EYA3: variants seen among roughly 807,000 people sequenced by gnomAD.
EYA3 encodes the protein protein phosphatase EYA3.
Under a neutral mutation model 80.0 loss-of-function variants are expected in EYA3, and 39 were observed. The ratio of observed to expected loss-of-function variants is 0.49; its 90% CI spans 0.38 to 0.64. The LOEUF is 0.64. Among genes scored for constraint, EYA3 ranks in the 30% least tolerant of loss-of-function variants. EYA3 has a pLI of 0.00. For missense variants in EYA3, 523 were observed against 676.1 expected, an observed-to-expected ratio of 0.77 and a Z score of 2.51; for synonymous variants, 206 against 232.8, an observed-to-expected ratio of 0.88 and a Z score of 1.05.
intron 7 of EYA3, among the ~76,000 whole-genome samples, chr1:28,018,310 T>C (rs1264830660): frequency 1.3e-5 from 2 of 152,212 alleles, no homozygotes; most frequent in East Asian, 1.9e-4. Flanking sequence ...TCTTCTGTCA[T>C]AGGTTCATTC....
At chr1:28,015,727 C>T (rs932600627) in intron 8 of EYA3, among the ~76,000 whole-genome samples, 4 of 151,788 alleles carry the variant, frequency 2.6e-5, no homozygotes, top group Non-Finnish European at 4.4e-5. Flanking sequence ...ACATTGGAGA[C>T]GATAGCAAAA....
chr1:27,974,322 GGA>G lies in EYA3; in HGVS notation c.*142_*143del, dbSNP rs1373357424. The G allele has an allele frequency of 1.4e-5, 7 of 501,756 alleles. No individual in the cohort carries two copies. Among genetic ancestry groups the G allele is most frequent in the East Asian group, 3.2e-5 (1 of 31,146 alleles). 31.1% of individuals were successfully genotyped at this position (501,756 alleles called of 1,614,324 possible). ...GAGAGGAAGGGAGGGAGGGAGAGAGGGAGAGAGAGAAAGAGAGAAAGAGAGAG... is the reference window on the plus strand; with the variant it reads ...GAGAGGAAGGGAGGGAGGGAGAGAGGGAGAGAGAAAGAGAGAAAGAGAGAG... On this transcript the variant is annotated 3_prime_UTR_variant, in exon 18 of 18. Coordinates refer to ENST00000373871, the MANE Select transcript of EYA3 (RefSeq NM_001990.4).
chr1:28,065,275 T>G (rs1557636855), intron 1 of EYA3, among the ~76,000 whole-genome samples: 1 of 152,108 alleles, frequency 6.6e-6, no homozygotes, highest in Non-Finnish European at 1.5e-5. Flanking sequence ...TACCATAGAT[T>G]TTTTTTCTTT....
chr1:27,990,609 A>T (rs531719506), intron 14 of EYA3: 2 of 140,260 alleles, frequency 1.4e-5, no homozygotes, highest in Admixed American at 1.5e-4. Flanking sequence ...GCTGTAGTGT[A>T]GTGGTGCAAT....
chr1:28,071,756 T>A (rs1377022447), intron 1 of EYA3, among the ~76,000 whole-genome samples: 1 of 152,184 alleles, frequency 6.6e-6, no homozygotes, highest in East Asian at 1.9e-4. Flanking sequence ...GAAATCATAA[T>A]TACTTTTGGC....
chr1:28,080,865 C>T (rs1414540466), intron 1 of EYA3, among the ~76,000 whole-genome samples: 5 of 152,098 alleles, frequency 3.3e-5, no homozygotes, highest in Non-Finnish European at 7.4e-5. Context: ...ATTCTCCTGC[C>T]TCAGCCTCCC....
chr1:28,003,264 C>A (rs555681661), intron 11 of EYA3, among the ~76,000 whole-genome samples: 1 of 136,342 alleles, frequency 7.3e-6, no homozygotes, highest in African/African-American at 2.8e-5. Context: ...AGCGAGACTC[C>A]GTCTCAAACA....
At chr1:27,989,223 G>A (rs1639868359) in intron 15 of EYA3, among the ~76,000 whole-genome samples, 1 of 152,194 alleles carries the variant, frequency 6.6e-6, no homozygotes, top group African/African-American at 2.4e-5. Flanking sequence ...ATAGGGTATT[G>A]GTGCAGACAC....
chr1:28,038,267 T>A (rs936881433), intron 5 of EYA3, among the ~76,000 whole-genome samples: 1 of 151,796 alleles, frequency 6.6e-6, no homozygotes, highest in Non-Finnish European at 1.5e-5. Context: ...TGAAATCCCA[T>A]CTCTACTAAA....
At chr1:28,006,021 C>T (rs149958007) in intron 10 of EYA3, among the ~76,000 whole-genome samples, 6,051 of 151,906 alleles carry the variant, frequency 0.04, 139 homozygotes, top group Middle Eastern at 0.055. Flanking sequence ...AGGAGAATCA[C>T]TTGAACCCAG....
intron 17 of EYA3, chr1:27,977,218 C>A: frequency 6.6e-7 from 1 of 1,512,804 alleles, no homozygotes; most frequent in South Asian, 1.3e-5. Flanking sequence ...AATAAGGATC[C>A]CTGAATTGCT....
chr1:28,073,119 A>ATTTT, intron 1 of EYA3, among the ~76,000 whole-genome samples: 1 of 47,422 alleles, frequency 2.1e-5, no homozygotes, highest in Non-Finnish European at 3.9e-5. Flanking sequence ...ATATATATAT[A>ATTTT]TATATATATT....
intron 3 of EYA3, among the ~76,000 whole-genome samples, chr1:28,047,751 G>A (rs1437283531): frequency 6.6e-6 from 1 of 150,756 alleles, no homozygotes; most frequent in Non-Finnish European, 1.5e-5. Flanking sequence ...CCATTCTCCT[G>A]CCTCAGCCTC....
intron 1 of EYA3, among the ~76,000 whole-genome samples, chr1:28,086,266 C>T (rs1357843215): frequency 1.3e-5 from 2 of 151,386 alleles, no homozygotes; most frequent in Admixed American, 1.3e-4. Flanking sequence ...CCTTGTGGAG[C>T]GCAGTGATGT....
At chr1:28,029,494 T>C (rs1299552357) in intron 6 of EYA3, among the ~76,000 whole-genome samples, 3 of 152,130 alleles carry the variant, frequency 2.0e-5, no homozygotes, top group Non-Finnish European at 2.9e-5. Flanking sequence ...TGCATCTGCA[T>C]GAGAGTCCAA....
chr1:28,052,174 A>G (rs993838819), intron 2 of EYA3, among the ~76,000 whole-genome samples: 1 of 151,956 alleles, frequency 6.6e-6, no homozygotes, highest in Non-Finnish European at 1.5e-5. Flanking sequence ...ATGCCTGGCT[A>G]ATTTTTTTGT....
intron 2 of EYA3, among the ~76,000 whole-genome samples, chr1:28,052,839 G>A (rs530323800): frequency 6.6e-6 from 1 of 152,220 alleles, no homozygotes; most frequent in Non-Finnish European, 1.5e-5. Flanking sequence ...CTACTTGGGA[G>A]GCTGAGGCAG....
At chr1:27,989,651 GA>G in intron 15 of EYA3, 45 bp downstream of exon 15, 1 of 1,273,294 alleles carries the variant, frequency 7.9e-7, no homozygotes, top group Non-Finnish European at 1.1e-6. Flanking sequence ...TGGAGTAGAA[GA>G]ATATGTCGCT....
In EYA3 at chr1:28,028,585, T is replaced by C. The variant is rs1423986960; in HGVS notation, c.362-659A>G. Among the ~76,000 whole-genome samples, 6 of 151,144 alleles carry C rather than the reference T, an allele frequency of 4.0e-5. No individual in the cohort carries two copies. In the South Asian group the frequency reaches 8.4e-4, roughly 21 times the overall value. On this transcript the variant is annotated intron_variant, in intron 6 of 17. Transcript: ENST00000373871. ...ACCCAGATGATTTCTTCTTCTTCTTTTTTTTTTTTTTAAATAAGATAGGGT... is the reference window on the plus strand; with the variant it reads ...ACCCAGATGATTTCTTCTTCTTCTTCTTTTTTTTTTTAAATAAGATAGGGT...
Sources: gnomAD v4.1 joint callset for allele counts (sites outside exome capture counted in the v4.1 genomes callset) on GRCh38, gnomAD v4.1.1 for gene constraint, MANE v1.5 for transcripts, NCBI Gene and HGNC (gene_info 2026-07-23, HGNC 2026-07-21) for gene names.